PDE1C: variants seen among roughly 807,000 people sequenced by gnomAD.
The protein encoded by PDE1C is phosphodiesterase 1C.
Under a neutral mutation model 93.1 loss-of-function variants are expected in PDE1C, and 62 were observed. The observed-to-expected ratio is 0.67, with a 90% CI of 0.54 to 0.82. PDE1C has a LOEUF of 0.82. Ranked by LOEUF, PDE1C falls within the 40% of genes least tolerant of loss-of-function variation. The pLI, the probability that PDE1C is intolerant of heterozygous loss-of-function variation, is 0.00. For synonymous variants in PDE1C, 325 were observed against 310.1 expected (o/e 1.05, Z -0.50); for missense variants, 742 against 884.6 (o/e 0.84, Z 2.04).
the PDE1C span, among the ~76,000 whole-genome samples, chr7:31,638,270 A>C: frequency 2.0e-5 from 3 of 152,362 alleles, no homozygotes; most frequent in East Asian, 5.8e-4. Context: ...AAGGCAGTGA[A>C]GTCTTAAATA....
chr7:31,970,321 C>T (rs1321332681), intron 2 of PDE1C, among the ~76,000 whole-genome samples: 1 of 151,924 alleles, frequency 6.6e-6, no homozygotes, highest in Non-Finnish European at 1.5e-5. Context: ...TATGTCGAGC[C>T]CCAATATCTA....
intron 1 of PDE1C, among the ~76,000 whole-genome samples, chr7:32,293,000 G>T (rs1372842926): frequency 6.6e-6 from 1 of 152,144 alleles, no homozygotes; most frequent in Non-Finnish European, 1.5e-5. Context: ...AGGGCATCCT[G>T]GCTGCCCACC....
intron 3 of PDE1C, among the ~76,000 whole-genome samples, chr7:32,122,541 A>C (rs1409332443): frequency 1.3e-5 from 2 of 152,162 alleles, no homozygotes; most frequent in African/African-American, 4.8e-5. Context: ...AATCAAATTA[A>C]AACTCAGGAT....
chr7:32,401,792 A>C (rs1784947842), intron 1 of PDE1C, among the ~76,000 whole-genome samples: 2 of 152,112 alleles, frequency 1.3e-5, no homozygotes, highest in Admixed American at 6.5e-5. Context: ...CTTCCTTCCC[A>C]CCTTGAAGGG....
the PDE1C span, among the ~76,000 whole-genome samples, chr7:31,648,989 A>C: frequency 1.3e-5 from 2 of 152,264 alleles, no homozygotes; most frequent in Non-Finnish European, 2.9e-5. Context: ...TCTGGTCTTA[A>C]GAGCCATAAT....
rs991379841 is a variant in PDE1C at position 32,043,348 on chromosome 7, G to A, written c.128+8206C>T. 2.6e-5 allele frequency among the ~76,000 whole-genome samples: 4 copies of A among 152,138 alleles called. No homozygotes were observed. The South Asian group carries it at 8.3e-4, about 32-fold the overall frequency. The stretch of plus-strand genomic sequence containing the variant: ...TCAATTGTGCCTCTTAGCATTGAAA[G>A]CCACCAGGTTTGGGAAGGATTTAGA... On this transcript the variant is annotated intron_variant, in intron 2 of 17. Transcript: ENST00000396191.
chr7:31,960,599 G>A (rs1441452095), intron 2 of PDE1C, among the ~76,000 whole-genome samples: 1 of 152,146 alleles, frequency 6.6e-6, no homozygotes, highest in African/African-American at 2.4e-5. Context: ...TTAAGAGTAA[G>A]AGAGTACTGC....
the PDE1C span, among the ~76,000 whole-genome samples, chr7:31,630,405 A>T: frequency 6.6e-6 from 1 of 152,164 alleles, no homozygotes; most frequent in Non-Finnish European, 1.5e-5. Flanking sequence ...GGCCTACTTA[A>T]ATGTGAAGTT....
At chr7:32,149,991 T>C (rs182474012) in intron 3 of PDE1C, among the ~76,000 whole-genome samples, 3 of 152,298 alleles carry the variant, frequency 2.0e-5, no homozygotes, top group East Asian at 1.9e-4. Context: ...ATAATCTCTA[T>C]CTCTAAGTTG....
chr7:31,880,839 T>C lies in PDE1C; in HGVS notation c.150A>G (p.Gln50=), dbSNP rs554403659. 129 of 1,608,554 alleles carry C rather than the reference T, an allele frequency of 8.0e-5. No individual in the cohort carries two copies. The highest frequency in any genetic ancestry group is 1.1e-4 in the African/African-American group (8 of 74,964). ...CCACTGAAGCTTCCCCTCTCTCTAA[T>C]TGTTTGACCAAAGACCGTAATCTAG... ...TSQRLRSLVK[Q]LERGEASVVD... is the part of the protein sequence containing the mutation. Residue 50 remains glutamine, a synonymous_variant, in exon 3 of 18, where the codon CAA becomes CAG. Transcript: ENST00000396191.
chr7:31,916,597 C>T (rs1255559541), intron 2 of PDE1C, among the ~76,000 whole-genome samples: 1 of 152,168 alleles, frequency 6.6e-6, no homozygotes, highest in African/African-American at 2.4e-5. Flanking sequence ...TGGGCAAGGA[C>T]AGGTTACGGG....
rs1797937487 is a variant in PDE1C at position 31,886,776 on chromosome 7, A to ATCTT, written c.129-5917_129-5916insAAGA. Among the ~76,000 whole-genome samples, 10 of 36,286 alleles carry ATCTT rather than the reference A, an allele frequency of 2.8e-4. 1 individual carries two copies. Among genetic ancestry groups the ATCTT allele is most frequent in the Non-Finnish European group, 6.7e-5 (1 of 14,942 alleles). The allele number at this position is 36,286 out of a possible 152,430, so 23.8% of individuals were successfully genotyped here. A position where few individuals can be genotyped will look rare whatever the true frequency, so the allele number is the denominator to read the frequency against. On this transcript the variant is annotated intron_variant, in intron 2 of 17. Transcript: ENST00000396191. ...TGAAGGCAGTGATCTATTCAGATCT[A>ATCTT]TTCAGAATAGATCTTTTCGGATCTT...
At position 31,753,391 on chromosome 7, in the gene PDE1C, C is replaced by T. The variant is rs912977574; in HGVS notation, c.2123G>A (p.Arg708Lys). 1.9e-6 allele frequency: 3 copies of T among 1,611,562 alleles called. No homozygotes were observed. In the African/African-American group the frequency reaches 4.0e-5, roughly 22 times the overall value. Reference sequence around the variant, plus strand: ...TCTCTTCTTCCCCTCGGCCTATTTTCTGTTCCAGTTATGTGAGATGTTCTG... The same window carrying T: ...TCTCTTCTTCCCCTCGGCCTATTTTTTGTTCCAGTTATGTGAGATGTTCTG... ...KIQNISHNWN[R>K]K The change falls in exon 18 of 18, where the codon AGA becomes AAA. Residue 708 changes from arginine to lysine, a missense_variant. By Grantham distance (26) the Arg-to-Lys change is conservative. Transcript: ENST00000396191.
At chr7:32,372,333 C>T (rs962041397) in intron 1 of PDE1C, among the ~76,000 whole-genome samples, 8 of 152,120 alleles carry the variant, frequency 5.3e-5, no homozygotes, top group Non-Finnish European at 7.4e-5. Flanking sequence ...GAATTACAGG[C>T]GTGAGCTACC....
intron 1 of PDE1C, among the ~76,000 whole-genome samples, chr7:32,409,818 T>G (rs887850489): frequency 1.1e-4 from 16 of 151,700 alleles, no homozygotes; most frequent in African/African-American, 3.4e-4. Context: ...AGTATTATTT[T>G]CCTTATATGT....
chr7:32,388,350 T>A (rs1008702413), intron 1 of PDE1C, among the ~76,000 whole-genome samples: 1 of 151,760 alleles, frequency 6.6e-6, no homozygotes, highest in African/African-American at 2.4e-5. Flanking sequence ...TTCTCTGGAG[T>A]CATCTGTCAA....
chr7:31,634,331 GATA>G, the PDE1C span, among the ~76,000 whole-genome samples: 3 of 152,124 alleles, frequency 2.0e-5, no homozygotes, highest in Non-Finnish European at 4.4e-5. Flanking sequence ...AGTTATAACA[GATA>G]ATATTAATAA....
At chr7:32,257,807 C>T (rs1258034972) in intron 1 of PDE1C, among the ~76,000 whole-genome samples, 1 of 152,192 alleles carries the variant, frequency 6.6e-6, no homozygotes, top group African/African-American at 2.4e-5. Flanking sequence ...AAGGGCTCTG[C>T]CTGGTGCTCT....
chr7:32,128,912 T>A (rs1420282545), intron 3 of PDE1C, among the ~76,000 whole-genome samples: 5 of 27,702 alleles, frequency 1.8e-4, no homozygotes, highest in African/African-American at 6.6e-4. Flanking sequence ...AACAAATATA[T>A]ATATATATAT....
Sources: gnomAD v4.1 joint callset for allele counts (sites outside exome capture counted in the v4.1 genomes callset) on GRCh38, gnomAD v4.1.1 for gene constraint, MANE v1.5 for transcripts, NCBI Gene and HGNC (gene_info 2026-07-23, HGNC 2026-07-21) for gene names.